The following RCBTB1 variants were observed in gnomAD, a reference collection of about 807,000 sequenced individuals.
RCBTB1 encodes RCC1 and BTB domain-containing protein 1.
RCBTB1 carries 46 observed loss-of-function variants against 62.4 expected under a neutral mutation model. That is an observed-to-expected ratio of 0.74 (90% CI 0.58 to 0.94). The LOEUF is 0.94. Among genes scored for constraint, RCBTB1 ranks in the 40% least tolerant of loss-of-function variants. The pLI is 0.00. For missense variants in RCBTB1, 565 were observed against 654.9 expected (o/e 0.86, Z 1.50); for synonymous variants, 222 against 245.8 (o/e 0.90, Z 0.91).
chr13:49,544,208 ATCT>A (rs1960619810), intron 10 of RCBTB1, among the ~76,000 whole-genome samples: 5 of 152,208 alleles, frequency 3.3e-5, no homozygotes, highest in African/African-American at 9.7e-5. Context: ...GGTAGCTCAC[ATCT>A]GTAATGCCAG....
At chr13:49,549,791 A>C (rs762084547) in intron 8 of RCBTB1, 143 bp from the exon 9 acceptor site, 30 of 1,429,266 alleles carry the variant, frequency 2.1e-5, no homozygotes, top group Non-Finnish European at 2.7e-5. Flanking sequence ...AAGTCACAGC[A>C]ACAAAAGCAA....
intron 2 of RCBTB1, among the ~76,000 whole-genome samples, chr13:49,576,002 CG>C (rs1391206756): frequency 2.0e-5 from 3 of 151,696 alleles, no homozygotes; most frequent in Non-Finnish European, 4.4e-5. Context: ...CTGGCTAACA[CG>C]GTGAAACCTC....
intron 6 of RCBTB1, among the ~76,000 whole-genome samples, chr13:49,553,092 G>A (rs1364580184): frequency 6.6e-6 from 1 of 152,140 alleles, no homozygotes; most frequent in Non-Finnish European, 1.5e-5. Flanking sequence ...TGAGACAGGA[G>A]AATCACTTGA....
rs779516910 is a variant in RCBTB1 at position 49,549,474 on chromosome 13, C to T, written c.1029G>A (p.Trp343Ter). Residue 343 changes from tryptophan (W) to a stop codon, truncating the protein, a stop_gained, in exon 9 of 13, where the codon TGG becomes TGA. Transcript: ENST00000378302. LOFTEE classifies it high-confidence loss of function. ...FACFATPAVS[W>*]RLLSVEHEDF... ...CTTTCTTACCCACAGACAGGAGGCG[C>T]CACGAGACGGCGGGAGTGGCAAAGC... 3 of 1,610,656 alleles carry T rather than the reference C, an allele frequency of 1.9e-6. No individual in the cohort carries two copies. The highest frequency in any genetic ancestry group is 1.7e-5 in the Admixed American group (1 of 59,888).
At chr13:49,563,333 CAG>C (rs59088183) in intron 4 of RCBTB1, among the ~76,000 whole-genome samples, 10 of 115,538 alleles carry the variant, frequency 8.7e-5, no homozygotes, top group Admixed American at 2.5e-4. Context: ...GCCTGGGTGA[CAG>C]AGAGAGAGAG....
At chr13:49,553,936 T>A (rs186509789) in intron 6 of RCBTB1, among the ~76,000 whole-genome samples, 6 of 152,154 alleles carry the variant, frequency 3.9e-5, no homozygotes, top group Non-Finnish European at 8.8e-5. Flanking sequence ...CAGAGTAACA[T>A]AGAAAATCAC....
At chr13:49,576,274 T>C (rs1183050582) in intron 2 of RCBTB1, among the ~76,000 whole-genome samples, 4 of 151,364 alleles carry the variant, frequency 2.6e-5, no homozygotes, top group East Asian at 3.9e-4. Flanking sequence ...AATGTGAATG[T>C]ACATAATGTG....
intron 8 of RCBTB1, chr13:49,550,501 T>G: frequency 1.4e-6 from 1 of 724,582 alleles, no homozygotes; most frequent in Non-Finnish European, 1.7e-6. Context: ...ACAATTAGGC[T>G]GAACAACATC....
chr13:49,567,511 C>G (rs1594328803), intron 2 of RCBTB1, among the ~76,000 whole-genome samples, 191 bp from the exon 3 acceptor site: 1 of 152,236 alleles, frequency 6.6e-6, no homozygotes, highest in South Asian at 2.1e-4. Flanking sequence ...CCGGACTTTC[C>G]TACAAGAGAA....
rs1318998221 is a variant in RCBTB1, at chr13:49,544,725, A to G, written c.1172+12T>C. ...TCAAGTTATTGATGTCTCTGAGCTC[A>G]TGCAAAAATACCTGATTTTCAAAAC... On this transcript the variant is annotated intron_variant, in intron 10 of 12. Coordinates refer to ENST00000378302, the MANE Select transcript of RCBTB1 (RefSeq NM_018191.4). 2 of 1,607,476 alleles carry G rather than the reference A, an allele frequency of 1.2e-6. No individual in the cohort carries two copies. The highest frequency in any genetic ancestry group is 2.2e-5 in the East Asian group (1 of 44,720).
At chr13:49,535,058 A>C (rs200166799) in intron 12 of RCBTB1, among the ~76,000 whole-genome samples, 2 of 152,156 alleles carry the variant, frequency 1.3e-5, no homozygotes, top group South Asian at 2.1e-4. Context: ...ATTCACCTTA[A>C]ATTCACTTTT....
chr13:49,585,549 G>A lies in RCBTB1; in HGVS notation c.-227C>T, dbSNP rs1964363100. ...AGCGGCGGTGCCCACCGGCAGCGAA[G>A]AGGAGGAGCGCCAGGGCGCCGGGCC... On this transcript the variant is annotated 5_prime_UTR_variant, in exon 1 of 13. Coordinates refer to ENST00000378302, the MANE Select transcript of RCBTB1 (RefSeq NM_018191.4). 2 of 151,654 alleles carry A rather than the reference G, an allele frequency of 1.3e-5. No homozygotes were observed. The highest frequency in any genetic ancestry group is 3.9e-4 in the South Asian group (2 of 5,122). 9.4% of individuals were successfully genotyped at this position (151,654 alleles called of 1,614,324 possible). A position where few individuals can be genotyped will look rare whatever the true frequency, so the allele number is the denominator to read the frequency against.
chr13:49,566,239 A>T (rs1962992766), intron 4 of RCBTB1, among the ~76,000 whole-genome samples: 1 of 151,518 alleles, frequency 6.6e-6, no homozygotes, highest in Non-Finnish European at 1.5e-5. Context: ...TATGCGAGAA[A>T]CACCCAAGAA....
At chr13:49,577,368 AAAC>A (rs1233969623) in intron 2 of RCBTB1, among the ~76,000 whole-genome samples, 1 of 152,250 alleles carries the variant, frequency 6.6e-6, no homozygotes, top group Non-Finnish European at 1.5e-5. Context: ...GAGATTTTAA[AAAC>A]AACAGGAAAT....
chr13:49,576,215 GA>G (rs1259302750), intron 2 of RCBTB1, among the ~76,000 whole-genome samples: 261 of 134,584 alleles, frequency 1.9e-3, no homozygotes, highest in African/African-American at 6.8e-3. Flanking sequence ...AAGTTGAGAT[GA>G]TTTTTTTTAA....
chr13:49,574,063 C>T (rs1445898246), intron 2 of RCBTB1, among the ~76,000 whole-genome samples: 4 of 150,296 alleles, frequency 2.7e-5, no homozygotes, highest in Admixed American at 6.7e-5. Context: ...GGATTACAGG[C>T]GTGAGCCACC....
rs540648811 is a variant in RCBTB1 at position 49,540,460 on chromosome 13, C to T, written c.1455+416G>A. On this transcript the variant is annotated intron_variant, in intron 12 of 12. Transcript: ENST00000378302. Reference sequence around the variant, plus strand: ...ATTAGACACTAATAGAATTGCAGAGCGTACACAGATACAAATCATACACAT... The same window carrying T: ...ATTAGACACTAATAGAATTGCAGAGTGTACACAGATACAAATCATACACAT... Among the ~76,000 whole-genome samples the T allele has an allele frequency of 7.9e-5, 12 of 152,252 alleles. 1 individual carries two copies. In the South Asian group the frequency reaches 2.3e-3, roughly 29 times the overall value.
At chr13:49,553,301 G>A (rs1961537145) in intron 6 of RCBTB1, among the ~76,000 whole-genome samples, 1 of 152,154 alleles carries the variant, frequency 6.6e-6, no homozygotes, top group Non-Finnish European at 1.5e-5. Context: ...GATAATGCTG[G>A]CCACAGTATG....
chr13:49,565,680 A>C (rs1594321976), intron 4 of RCBTB1, among the ~76,000 whole-genome samples: 1 of 146,196 alleles, frequency 6.8e-6, no homozygotes, highest in South Asian at 2.2e-4. Flanking sequence ...CCGTCTGAGA[A>C]GTGAGGAGCC....
Sources: allele counts gnomAD v4.1 joint callset (sites outside exome capture counted in the v4.1 genomes callset), GRCh38; gene constraint gnomAD v4.1.1; transcripts MANE v1.5; gene names NCBI Gene and HGNC (gene_info 2026-07-23, HGNC 2026-07-21).